COBLL1: variants seen among roughly 807,000 people sequenced by gnomAD.
The protein encoded by COBLL1 is cordon-bleu protein-like 1.
A neutral mutation model predicts 94.8 loss-of-function variants in COBLL1; 50 were observed. That is an observed-to-expected ratio of 0.53 (90% CI 0.42 to 0.67). COBLL1 has a LOEUF of 0.67. Among genes scored for constraint, COBLL1 ranks in the 30% least tolerant of loss-of-function variants. The pLI is 0.00. For synonymous variants in COBLL1, 448 were observed against 473.8 expected (o/e 0.95, Z 0.71); for missense variants, 1,362 against 1,348.7 (o/e 1.01, Z -0.15).
chr2:164,706,088 C>A (rs932901429), intron 7 of COBLL1, among the ~76,000 whole-genome samples: 16 of 152,162 alleles, frequency 1.1e-4, no homozygotes, highest in African/African-American at 3.6e-4. Flanking sequence ...TCTCCAATTT[C>A]TCTTATCCCA....
chr2:164,719,372 G>C (rs1685337541), intron 7 of COBLL1, among the ~76,000 whole-genome samples: 1 of 152,040 alleles, frequency 6.6e-6, no homozygotes, highest in South Asian at 2.1e-4. Context: ...CAGTTTCCTA[G>C]GGCTGCCCTA....
At chr2:164,687,497 G>A in intron 13 of COBLL1, 1 of 1,460,440 alleles carries the variant, frequency 6.8e-7, no homozygotes, top group Admixed American at 1.7e-5. Context: ...TCCTTGTTCT[G>A]CAGCTTGGTG....
chr2:164,836,629 A>G (rs1481264643), intron 2 of COBLL1, among the ~76,000 whole-genome samples: 1 of 152,160 alleles, frequency 6.6e-6, no homozygotes, highest in Admixed American at 6.5e-5. Flanking sequence ...TTATTCAAAA[A>G]GAAGTAGCAA....
chr2:164,822,323 C>A (rs758973008), intron 2 of COBLL1, among the ~76,000 whole-genome samples: 17 of 152,164 alleles, frequency 1.1e-4, no homozygotes, highest in Non-Finnish European at 1.9e-4. Context: ...TGAAGAATAA[C>A]CTCCACTGCT....
At chr2:164,714,705 C>T (rs1011496743) in intron 7 of COBLL1, among the ~76,000 whole-genome samples, 1 of 152,130 alleles carries the variant, frequency 6.6e-6, no homozygotes, top group African/African-American at 2.4e-5. Flanking sequence ...GCCCTGGCCT[C>T]TGTTAACACA....
intron 2 of COBLL1, among the ~76,000 whole-genome samples, chr2:164,796,259 C>T (rs894109754): frequency 3.3e-5 from 5 of 152,058 alleles, no homozygotes; most frequent in Non-Finnish European, 7.4e-5. Context: ...AAATTAGACC[C>T]TAATTAGGAC....
rs1431075503 is a variant in COBLL1 at position 164,680,751 on chromosome 2, T to C, written c.*5195A>G. ...CCAAATATTGTATGGGATATGCTTA[T>C]ACTAAAAAAAAATTTGTTGTTTATC... On this transcript the variant is annotated 3_prime_UTR_variant, in exon 14 of 14. Transcript: ENST00000652658. 3.3e-5 allele frequency: 5 copies of C among 152,258 alleles called. No individual in the cohort carries two copies. The East Asian group carries it at 9.7e-4, about 29-fold the overall frequency. 9.4% of individuals were successfully genotyped at this position (152,258 alleles called of 1,614,324 possible).
chr2:164,772,103 C>T (rs1334326189), intron 2 of COBLL1: 1 of 151,860 alleles, frequency 6.6e-6, no homozygotes, highest in Non-Finnish European at 1.5e-5. Context: ...ACCTCATGCC[C>T]TACATGAATA....
rs894844360 is a variant in COBLL1 at position 164,681,031 on chromosome 2, G to T, written c.*4915C>A. ...GACAGAAAGTCTGAGGTGTATTTGTGTTGGATTTAGTAAGTCATCTGTGAG... is the reference window on the plus strand; with the variant it reads ...GACAGAAAGTCTGAGGTGTATTTGTTTTGGATTTAGTAAGTCATCTGTGAG... On this transcript the variant is annotated 3_prime_UTR_variant, in exon 14 of 14. Coordinates refer to ENST00000652658, the MANE Select transcript of COBLL1 (RefSeq NM_001365672.2). 6.6e-6 allele frequency: 1 copy of T among 152,158 alleles called. No individual in the cohort carries two copies. Among genetic ancestry groups the T allele is most frequent in the Admixed American group, 6.5e-5 (1 of 15,274 alleles). 9.4% of individuals were successfully genotyped at this position (152,158 alleles called of 1,614,324 possible).
chr2:164,764,428 A>G (rs971821097), intron 2 of COBLL1, among the ~76,000 whole-genome samples: 2 of 152,224 alleles, frequency 1.3e-5, no homozygotes, highest in African/African-American at 2.4e-5. Flanking sequence ...TAAAAATGCT[A>G]TAACTTTAGA....
intron 3 of COBLL1, among the ~76,000 whole-genome samples, chr2:164,739,781 G>A (rs1363240866): frequency 2.0e-5 from 3 of 152,040 alleles, no homozygotes; most frequent in African/African-American, 7.2e-5. Context: ...TTTTATTTTT[G>A]TCATTATGAG....
chr2:164,826,612 T>C (rs1352123958), intron 2 of COBLL1, among the ~76,000 whole-genome samples: 1 of 152,200 alleles, frequency 6.6e-6, no homozygotes, highest in Non-Finnish European at 1.5e-5. Context: ...CTAAAGCCAG[T>C]AAGTGGCAGA....
chr2:164,762,663 CT>C (rs1215531206), intron 2 of COBLL1, among the ~76,000 whole-genome samples: 2 of 151,286 alleles, frequency 1.3e-5, no homozygotes, highest in African/African-American at 4.9e-5. Flanking sequence ...TGTGAACAAA[CT>C]ATGGCCTACA....
chr2:164,813,499 C>A lies in COBLL1; in HGVS notation c.41+27657G>T, dbSNP rs569949961. The stretch of plus-strand genomic sequence containing the variant: ...ACCAGCTACCATCATCCAAATGGAA[C>A]ATCAGGGGTGTTGGTTATTTCTCCA... On this transcript the variant is annotated intron_variant, in intron 2 of 13. Coordinates refer to ENST00000652658, the MANE Select transcript of COBLL1 (RefSeq NM_001365672.2). Among the ~76,000 whole-genome samples the A allele has an allele frequency of 2.0e-5, 3 of 152,242 alleles. No homozygotes were observed. In the East Asian group the frequency reaches 5.8e-4, roughly 29 times the overall value.
chr2:164,770,580 T>A (rs1284958756), intron 2 of COBLL1, among the ~76,000 whole-genome samples: 1 of 152,164 alleles, frequency 6.6e-6, no homozygotes, highest in Admixed American at 6.6e-5. Flanking sequence ...CCCGCCCAAC[T>A]ACCATCACAT....
At chr2:164,812,875 A>G (rs1559040298) in intron 2 of COBLL1, among the ~76,000 whole-genome samples, 1 of 152,132 alleles carries the variant, frequency 6.6e-6, no homozygotes, top group African/African-American at 2.4e-5. Flanking sequence ...AATAGAAATA[A>G]CTTAGTTTTG....
At chr2:164,688,943 T>G (rs1297517230) in intron 13 of COBLL1, among the ~76,000 whole-genome samples, 1 of 152,132 alleles carries the variant, frequency 6.6e-6, no homozygotes, top group Non-Finnish European at 1.5e-5. Context: ...CATCAAGTAC[T>G]GAAAGCCAAA....
At chr2:164,744,693 G>A (rs1686778965) in intron 2 of COBLL1, among the ~76,000 whole-genome samples, 1 of 152,154 alleles carries the variant, frequency 6.6e-6, no homozygotes, top group Non-Finnish European at 1.5e-5. Flanking sequence ...ATGGATGGCT[G>A]TATTTCCCAC....
At chr2:164,749,576 G>A (rs1687027257) in intron 2 of COBLL1, among the ~76,000 whole-genome samples, 1 of 152,048 alleles carries the variant, frequency 6.6e-6, no homozygotes, top group Admixed American at 6.6e-5. Flanking sequence ...TTCTCTGTCT[G>A]GGTTTAATGA....
Sources: gnomAD v4.1 joint callset for allele counts (sites outside exome capture counted in the v4.1 genomes callset) on GRCh38, gnomAD v4.1.1 for gene constraint, MANE v1.5 for transcripts, NCBI Gene and HGNC (gene_info 2026-07-23, HGNC 2026-07-21) for gene names.